TBC1D5: variants seen among roughly 807,000 people sequenced by gnomAD.
The protein encoded by TBC1D5 is TBC1 domain family, member 5.
In TBC1D5, 75 loss-of-function variants were observed where a neutral mutation model predicts 100.3. The ratio of observed to expected loss-of-function variants is 0.75; its 90% confidence interval spans 0.62 to 0.91. The LOEUF is 0.91. TBC1D5 is among the 40% of genes least tolerant of loss of function. TBC1D5 has a pLI of 0.00. For missense variants in TBC1D5, 910 were observed against 942.4 expected, an observed-to-expected ratio of 0.97 and a Z score of 0.45; for synonymous variants, 323 against 325.6, an observed-to-expected ratio of 0.99 and a Z score of 0.09.
chr3:17,569,831 T>G (rs1214163772), intron 2 of TBC1D5, among the ~76,000 whole-genome samples: 1 of 151,824 alleles, frequency 6.6e-6, no homozygotes, highest in East Asian at 1.9e-4. Context: ...AATATCATTT[T>G]CATCTACTAT....
intron 1 of TBC1D5, among the ~76,000 whole-genome samples, chr3:17,734,260 T>C (rs925804023): frequency 2.6e-5 from 4 of 152,072 alleles, no homozygotes; most frequent in African/African-American, 9.7e-5. Context: ...TATACCTACA[T>C]ATATATGTGG....
chr3:17,725,232 G>A (rs1231201529), intron 1 of TBC1D5, among the ~76,000 whole-genome samples: 1 of 152,076 alleles, frequency 6.6e-6, no homozygotes, highest in Non-Finnish European at 1.5e-5. Flanking sequence ...AAATTAAAAT[G>A]TATTCTGAAA....
chr3:17,425,306 A>T (rs2094310481), intron 4 of TBC1D5, among the ~76,000 whole-genome samples: 1 of 152,226 alleles, frequency 6.6e-6, no homozygotes, highest in Admixed American at 6.5e-5. Flanking sequence ...TCAGGATCTG[A>T]ACCAGTACAC....
At chr3:17,619,095 A>C (rs1192552898) in intron 2 of TBC1D5, among the ~76,000 whole-genome samples, 1 of 152,244 alleles carries the variant, frequency 6.6e-6, no homozygotes, top group African/African-American at 2.4e-5. Context: ...ATATTTAGGA[A>C]TAAACAGAAA....
intron 2 of TBC1D5, among the ~76,000 whole-genome samples, chr3:17,559,660 G>A (rs2096545031): frequency 6.6e-6 from 1 of 151,550 alleles, no homozygotes; most frequent in Admixed American, 6.6e-5. Flanking sequence ...CGCGATCTCG[G>A]CTCACTGCAA....
chr3:17,226,188 TG>T (rs1207438514), intron 17 of TBC1D5, among the ~76,000 whole-genome samples: 2 of 150,796 alleles, frequency 1.3e-5, no homozygotes, highest in East Asian at 3.9e-4. Flanking sequence ...TATAGCACAC[TG>T]GGGTAAATGG....
At chr3:17,335,123 AT>A (rs1387756242) in intron 13 of TBC1D5, among the ~76,000 whole-genome samples, 1 of 152,258 alleles carries the variant, frequency 6.6e-6, no homozygotes, top group African/African-American at 2.4e-5. Flanking sequence ...GCAAATATTA[AT>A]TTGATTATTT....
intron 15 of TBC1D5, among the ~76,000 whole-genome samples, chr3:17,288,610 A>T (rs2081398728): frequency 6.6e-6 from 1 of 151,676 alleles, no homozygotes; most frequent in African/African-American, 2.4e-5. Flanking sequence ...GTCAGCACAC[A>T]CTCCCCATTC....
At chr3:17,354,038 A>G (rs149425293) in intron 13 of TBC1D5, among the ~76,000 whole-genome samples, 11 of 152,232 alleles carry the variant, frequency 7.2e-5, no homozygotes, top group Middle Eastern at 3.4e-3. Context: ...CATTAACAAA[A>G]TATGTACATA....
intron 3 of TBC1D5, among the ~76,000 whole-genome samples, chr3:17,505,053 A>AT (rs960707060): frequency 2.6e-5 from 4 of 152,234 alleles, no homozygotes; most frequent in African/African-American, 7.2e-5. Context: ...AACATCTTGG[A>AT]TTTTTTTTAA....
chr3:17,596,553 C>T (rs556865178), intron 2 of TBC1D5, among the ~76,000 whole-genome samples: 223 of 151,330 alleles, frequency 1.5e-3, no homozygotes, highest in African/African-American at 5.2e-3. Context: ...CTCCTGACCT[C>T]GTGATCCGCC....
Position 17,569,183 on chromosome 3 carries a change from A to T in TBC1D5, c.-36+54666T>A, listed in dbSNP as rs189185677. 3.4e-3 allele frequency among the ~76,000 whole-genome samples: 523 copies of T among 151,980 alleles called. 2 individuals carry two copies. Among genetic ancestry groups the T allele is most frequent in the African/African-American group, 0.012 (508 of 41,546 alleles). On this transcript the variant is annotated intron_variant, in intron 2 of 21. Transcript: ENST00000253692. The stretch of plus-strand genomic sequence containing the variant: ...AAACAGAGAATAATCAGCAAATATC[A>T]CTGAAAGATAAAAACCCAATCCTAA...
intron 13 of TBC1D5, among the ~76,000 whole-genome samples, chr3:17,340,202 C>T (rs1192455492): frequency 6.6e-6 from 1 of 152,090 alleles, no homozygotes; most frequent in African/African-American, 2.4e-5. Flanking sequence ...TGTTTGGGTC[C>T]CCTCTATACT....
chr3:17,613,060 G>A (rs532851419), intron 2 of TBC1D5, among the ~76,000 whole-genome samples: 51 of 151,910 alleles, frequency 3.4e-4, no homozygotes, highest in African/African-American at 1.0e-3. Context: ...AACAGACCCC[G>A]GTGTGTGATG....
intron 15 of TBC1D5, among the ~76,000 whole-genome samples, chr3:17,284,227 C>T (rs2080928875): frequency 6.6e-6 from 1 of 152,138 alleles, no homozygotes; most frequent in African/African-American, 2.4e-5. Context: ...AAGCGATTCT[C>T]ATGCCTCAGC....
chr3:17,687,156 G>GA (rs2070407921), intron 1 of TBC1D5, among the ~76,000 whole-genome samples: 1 of 151,962 alleles, frequency 6.6e-6, no homozygotes, highest in Admixed American at 6.6e-5. Context: ...TTTCAAATAT[G>GA]TATTCTTCAC....
At chr3:17,551,788 C>A (rs2096476188) in intron 2 of TBC1D5, among the ~76,000 whole-genome samples, 1 of 152,080 alleles carries the variant, frequency 6.6e-6, no homozygotes, top group Non-Finnish European at 1.5e-5. Context: ...AACATTTAAT[C>A]TTTGCACATT....
intron 9 of TBC1D5, among the ~76,000 whole-genome samples, chr3:17,381,819 T>C (rs887308182): frequency 6.6e-6 from 1 of 152,084 alleles, no homozygotes; most frequent in African/African-American, 2.4e-5. Context: ...ACTTTAAGTT[T>C]TTATATTTAT....
chr3:17,349,766 T>C (rs1265788932), intron 13 of TBC1D5, among the ~76,000 whole-genome samples: 6 of 152,190 alleles, frequency 3.9e-5, no homozygotes, highest in Admixed American at 1.3e-4. Context: ...CTTCTTAGCC[T>C]TATGAGTTAA....
Sources: gnomAD v4.1 joint callset for allele counts (sites outside exome capture counted in the v4.1 genomes callset) on GRCh38, gnomAD v4.1.1 for gene constraint, MANE v1.5 for transcripts, NCBI Gene and HGNC (gene_info 2026-07-23, HGNC 2026-07-21) for gene names.